FOXO3B: variants seen among roughly 807,000 people sequenced by gnomAD.
FOXO3B encodes forkhead box O3B.
Under a neutral mutation model 21.9 loss-of-function variants are expected in FOXO3B, and 15 were observed. The observed-to-expected ratio is 0.68, with a 90% CI of 0.46 to 1.05. The LOEUF (loss-of-function observed/expected upper bound fraction) is 1.05. Among genes scored for constraint, FOXO3B ranks in the 50% least tolerant of loss-of-function variants. FOXO3B has a pLI of 0.00. For missense variants in FOXO3B, 293 were observed against 435.5 expected (o/e 0.67, Z 2.91); for synonymous variants, 135 against 213.6 (o/e 0.63, Z 3.21).
At chr17:18,677,648 G>C (rs575708442) in intron 3 of FOXO3B, 50,796 of 1,525,518 alleles carry the variant, frequency 0.033, 2,852 homozygotes, top group African/African-American at 0.13. Flanking sequence ...GGGCCCCAGG[G>C]GGCTTGGGAG....
At chr17:18,677,588 A>G in intron 3 of FOXO3B, 2 of 1,603,328 alleles carry the variant, frequency 1.2e-6, no homozygotes, top group Non-Finnish European at 1.7e-6. Context: ...GCAGGGCCAA[A>G]GCCGGGCGGG....
intron 3 of FOXO3B, among the ~76,000 whole-genome samples, chr17:18,678,048 A>G (rs896062867): frequency 6.6e-6 from 1 of 152,198 alleles, no homozygotes; most frequent in African/African-American, 2.4e-5. Context: ...CTGCATATAC[A>G]TAACTAAATC....
intron 3 of FOXO3B, among the ~76,000 whole-genome samples, chr17:18,679,082 G>C (rs1040133596): frequency 2.0e-5 from 3 of 151,186 alleles, no homozygotes; most frequent in Admixed American, 6.6e-5. Context: ...AACCCATGGA[G>C]AGCAAAGGTC....
Position 18,672,651 on chromosome 17 carries a change from C to T in FOXO3B, c.531G>A (p.Leu177=). 7 of 1,492,712 alleles carry T rather than the reference C, an allele frequency of 4.7e-6. No homozygotes were observed. The highest frequency in any genetic ancestry group is 6.2e-6 in the Non-Finnish European group (7 of 1,129,988). The allele number at this position is 1,492,712 out of a possible 1,614,324, so 92.5% of individuals were successfully genotyped here. The part of the protein sequence containing the change: ...GGGSRTLVSG[L]LLEDSVRVLA... ...GCACCCGGACCGAGTCCTCAAGGAG[C>T]AGCCCGGAGACCAGCGTGCGGCTCC... Residue 177 remains leucine (L), a synonymous_variant, in exon 4 of 4, where the codon CTG becomes CTA. Coordinates refer to ENST00000395675, the MANE Select transcript of FOXO3B (RefSeq NM_001368135.1). This position sits in a 1 kb window ranked among gnomAD's most constrained non-coding sequence, Gnocchi z 4.2.
Position 18,672,130 on chromosome 17 carries a change from C to A in FOXO3B, c.*179G>T. The stretch of plus-strand genomic sequence containing the variant: ...CAGGGCTGCCTTCTTCTTGGCTGTG[C>A]GGCCACGGCTCTTGGTATACTTGTT... On this transcript the variant is annotated 3_prime_UTR_variant, in exon 4 of 4. Coordinates refer to ENST00000395675, the MANE Select transcript of FOXO3B (RefSeq NM_001368135.1). The surrounding 1 kb of genome is among the most constrained non-coding windows in gnomAD (Gnocchi z 4.2). The A allele has an allele frequency of 6.2e-7, 1 of 1,611,490 alleles. No individual in the cohort carries two copies. The highest frequency in any genetic ancestry group is 8.5e-7 in the Non-Finnish European group (1 of 1,178,642).
chr17:18,677,438 C>T (rs1449019214), intron 3 of FOXO3B: 1 of 1,614,040 alleles, frequency 6.2e-7, no homozygotes, highest in African/African-American at 1.3e-5. Context: ...TGCTGACCAT[C>T]AAGTGCCTGC....
At chr17:18,677,513 C>A in intron 3 of FOXO3B, 2 of 1,613,758 alleles carry the variant, frequency 1.2e-6, no homozygotes, top group East Asian at 2.2e-5. Context: ...TGGAGAACTA[C>A]GAGGAGTATG....
At position 18,669,926 on chromosome 17, in the gene FOXO3B, G is replaced by A. The variant is rs1436368702; in HGVS notation, c.*2383C>T. On this transcript the variant is annotated 3_prime_UTR_variant, in exon 4 of 4. Transcript: ENST00000395675. ...TCATTTGTTCTGCAAAGCAAAACAG[G>A]ACTTTTTTTTTTTTTCCTTTTCTTT... 7.4e-6 allele frequency among the ~76,000 whole-genome samples: 1 copy of A among 134,558 alleles called. No homozygotes were observed. The highest frequency in any genetic ancestry group is 2.7e-5 in the African/African-American group (1 of 37,676). 88.3% of individuals were successfully genotyped at this position (134,558 alleles called of 152,430 possible).
At position 18,672,075 on chromosome 17, in the gene FOXO3B, A is replaced by G; in HGVS notation, c.*234T>C. 3 of 1,610,574 alleles carry G rather than the reference A, an allele frequency of 1.9e-6. No individual in the cohort carries two copies. The highest frequency in any genetic ancestry group is 2.2e-5 in the South Asian group (2 of 90,666). On this transcript the variant is annotated 3_prime_UTR_variant, in exon 4 of 4. Coordinates refer to ENST00000395675, the MANE Select transcript of FOXO3B (RefSeq NM_001368135.1). The surrounding 1 kb of genome is among the most constrained non-coding windows in gnomAD (Gnocchi z 4.2). ...CAGACCACTTGGAGAGCTGGGAGGG[A>G]CTGTCGTCAGCTGATTCGGGGGCTG...
chr17:18,671,896 G>T lies in FOXO3B; in HGVS notation c.*413C>A. ...CGCTGAGCTGCTGTAGAGCATGGGC[G>T]AGAGAGGCGCATCGTCGTCCTGGAC... is the stretch of plus-strand genomic sequence containing the variant. On this transcript the variant is annotated 3_prime_UTR_variant, in exon 4 of 4. Transcript: ENST00000395675. 1 of 1,613,484 alleles carries T rather than the reference G, an allele frequency of 6.2e-7. No homozygotes were observed. The highest frequency in any genetic ancestry group is 8.5e-7 in the Non-Finnish European group (1 of 1,179,640).
chr17:18,669,924 A>T lies in FOXO3B; in HGVS notation c.*2385T>A, dbSNP rs892603565. ...GTTCATTTGTTCTGCAAAGCAAAAC[A>T]GGACTTTTTTTTTTTTTCCTTTTCT... is the stretch of plus-strand genomic sequence containing the variant. On this transcript the variant is annotated 3_prime_UTR_variant, in exon 4 of 4. Transcript: ENST00000395675. 6.5e-5 allele frequency among the ~76,000 whole-genome samples: 9 copies of T among 138,788 alleles called. No individual in the cohort carries two copies. The highest frequency in any genetic ancestry group is 1.3e-4 in the Non-Finnish European group (8 of 62,372). 91.1% of individuals were successfully genotyped at this position (138,788 alleles called of 152,430 possible). A position where few individuals can be genotyped will look rare whatever the true frequency, so the allele number is the denominator to read the frequency against.
chr17:18,676,407 T>C (rs545349092), intron 3 of FOXO3B, among the ~76,000 whole-genome samples: 7 of 152,096 alleles, frequency 4.6e-5, no homozygotes, highest in Non-Finnish European at 1.0e-4. Flanking sequence ...GGCAAAAAAA[T>C]AAACTGTTCA....
In FOXO3B at chr17:18,672,179, G is replaced by A. The variant is rs192165192; in HGVS notation, c.*130C>T. Reference sequence around the variant, plus strand: ...TTGCTATTGTCCATGGAGACAGCCCGCCGCCGGGGGGCTTTTCCGCTCTTC... The same window carrying A: ...TTGCTATTGTCCATGGAGACAGCCCACCGCCGGGGGGCTTTTCCGCTCTTC... On this transcript the variant is annotated 3_prime_UTR_variant, in exon 4 of 4. Transcript: ENST00000395675. The surrounding 1 kb of genome is among the most constrained non-coding windows in gnomAD (Gnocchi z 4.2). The A allele has an allele frequency of 2.1e-3, 3,353 of 1,612,328 alleles. 60 individuals are homozygous for A. The African/African-American group carries it at 0.039, about 19-fold the overall frequency.
rs867322342 is a variant in FOXO3B at position 18,674,482 on chromosome 17, C to A, written c.127-1427G>T. Reference sequence around the variant, plus strand: ...CTACTAAAAATACAAAAAAATTAGCCGGGTGTGGTGGCGGGCACCTGTAGT... The same window carrying A: ...CTACTAAAAATACAAAAAAATTAGCAGGGTGTGGTGGCGGGCACCTGTAGT... On this transcript the variant is annotated intron_variant, in intron 3 of 3. Coordinates refer to ENST00000395675, the MANE Select transcript of FOXO3B (RefSeq NM_001368135.1). Among the ~76,000 whole-genome samples the A allele has an allele frequency of 5.1e-4, 77 of 150,212 alleles. No homozygotes were observed. In the East Asian group the frequency reaches 0.014, roughly 28 times the overall value.
chr17:18,680,818 G>C lies in FOXO3B; in HGVS notation c.49C>G (p.Gln17Glu). The change falls in exon 3 of 4, where the codon CAG becomes GAG. Residue 17 changes from glutamine to glutamate, a missense_variant. Around this residue, in one of 2 missense-constraint regions of FOXO3B, gnomAD observed 251 missense variants for 404.0 expected, o/e 0.62. Transcript: ENST00000395675. ...TTCTCTTGGAAATGGGGAGAATCCT[G>C]GGAAGACAGAACTAACGACAAGAAA... ...EMPEKGVLSS[Q>E]DSPHFQEKST... 1.2e-6 allele frequency: 2 copies of C among 1,604,792 alleles called. No homozygotes were observed. Among genetic ancestry groups the C allele is most frequent in the South Asian group, 1.1e-5 (1 of 90,530 alleles).
intron 3 of FOXO3B, among the ~76,000 whole-genome samples, chr17:18,679,368 GAAGCA>G (rs2032544691): frequency 6.6e-6 from 1 of 150,800 alleles, no homozygotes; most frequent in South Asian, 2.1e-4. Context: ...TTGGATTACA[GAAGCA>G]AAGAGAAAGG....
Position 18,670,862 on chromosome 17 carries a change from T to G in FOXO3B, c.*1447A>C. On this transcript the variant is annotated 3_prime_UTR_variant, in exon 4 of 4. Transcript: ENST00000395675. ...TTTTCTCTGTAGGTCTTGTGTCAGT[T>G]TGAGGGTCTGCTTTGCCCACTTCCC... 4.4e-6 allele frequency: 7 copies of G among 1,589,338 alleles called. No individual in the cohort carries two copies. Among genetic ancestry groups the G allele is most frequent in the Non-Finnish European group, 6.0e-6 (7 of 1,166,544 alleles).
chr17:18,668,491 CAT>C lies in FOXO3B; in HGVS notation c.*3816_*3817del, dbSNP rs1323267339. On this transcript the variant is annotated 3_prime_UTR_variant, in exon 4 of 4. Coordinates refer to ENST00000395675, the MANE Select transcript of FOXO3B (RefSeq NM_001368135.1). ...GAAAAGGAGAATAAATGAGATACCA[CAT>C]GTCTGAAAAGAATTCAACATTTTAA... The C allele has an allele frequency of 2.0e-5, 3 of 152,638 alleles. No individual in the cohort carries two copies. The highest frequency in any genetic ancestry group is 4.8e-5 in the African/African-American group (2 of 41,466). 9.5% of individuals were successfully genotyped at this position (152,638 alleles called of 1,614,324 possible).
Position 18,672,174 on chromosome 17 carries a change from A to G in FOXO3B, c.*135T>C. On this transcript the variant is annotated 3_prime_UTR_variant, in exon 4 of 4. Coordinates refer to ENST00000395675, the MANE Select transcript of FOXO3B (RefSeq NM_001368135.1). This position sits in a 1 kb window ranked among gnomAD's most constrained non-coding sequence, Gnocchi z 4.2. ...ACTTGTTGCTATTGTCCATGGAGAC[A>G]GCCCGCCGCCGGGGGGCTTTTCCGC... The G allele has an allele frequency of 6.2e-7, 1 of 1,612,894 alleles. No homozygotes were observed. The highest frequency in any genetic ancestry group is 8.5e-7 in the Non-Finnish European group (1 of 1,179,288).
Sources: gnomAD v4.1 joint callset for allele counts (sites outside exome capture counted in the v4.1 genomes callset) on GRCh38, gnomAD v4.1.1 for gene constraint, gnomAD v4.1.1 regional missense constraint, Gnocchi (gnomAD v3.1) non-coding constraint, MANE v1.5 for transcripts, NCBI Gene and HGNC (gene_info 2026-07-23, HGNC 2026-07-21) for gene names.